OPA3: variants seen among roughly 807,000 people sequenced by gnomAD.
OPA3 encodes the protein outer mitochondrial membrane lipid metabolism regulator OPA3.
A neutral mutation model predicts 4.0 loss-of-function variants in OPA3; 6 were observed. The observed-to-expected ratio is 1.51, with a 90% CI of 0.83 to 2.99. The LOEUF is 2.99. OPA3 is among the 30% of genes most tolerant of loss of function. The probability of loss-of-function intolerance (pLI) is 0.00; values close to 1 mark genes in which losing one functional copy is unlikely to be tolerated. For missense variants in OPA3, 235 were observed against 256.2 expected, an observed-to-expected ratio of 0.92 and a Z score of 0.56; for synonymous variants, 105 against 117.1, an observed-to-expected ratio of 0.90 and a Z score of 0.67.
At chr19:45,556,922 G>T (rs753274249) in intron 1 of OPA3, among the ~76,000 whole-genome samples, 5 of 152,226 alleles carry the variant, frequency 3.3e-5, no homozygotes, top group Non-Finnish European at 7.3e-5. Flanking sequence ...GCCACCTGCT[G>T]CCTGAGCAAT....
At chr19:45,536,899 A>G (rs1390707280) in intron 1 of OPA3, among the ~76,000 whole-genome samples, 2 of 152,148 alleles carry the variant, frequency 1.3e-5, no homozygotes, top group African/African-American at 4.8e-5. Flanking sequence ...GGGATTGTAG[A>G]TCAAAATATG....
In OPA3 at chr19:45,548,751, G is replaced by T. The variant is rs549495140; in HGVS notation, c.*4763C>A. 1.3e-5 allele frequency: 13 copies of T among 978,842 alleles called. No homozygotes were observed. In the African/African-American group the frequency reaches 2.1e-4, roughly 16 times the overall value. 60.6% of individuals were successfully genotyped at this position (978,842 alleles called of 1,614,324 possible). On this transcript the variant is annotated 3_prime_UTR_variant, in exon 2 of 2. Transcript: ENST00000263275. ...ACCTCAGTGAGTTTTTTGAGTGAAA[G>T]AATAAATAAAGGATATTTTTCCTAA...
At chr19:45,555,770 C>T (rs985626247) in intron 1 of OPA3, among the ~76,000 whole-genome samples, 6 of 152,090 alleles carry the variant, frequency 3.9e-5, no homozygotes, top group African/African-American at 4.8e-5. Context: ...GGATTACAGG[C>T]GTGAGCCACC....
chr19:45,571,268 C>T (rs12975918), intron 1 of OPA3, among the ~76,000 whole-genome samples: 35,646 of 152,068 alleles, frequency 0.23, 5,086 homozygotes, highest in Middle Eastern at 0.37. Context: ...CTCAGTCTCC[C>T]AAGTAGCTGA....
At chr19:45,567,152 C>T (rs1036468914) in intron 1 of OPA3, among the ~76,000 whole-genome samples, 1 of 151,870 alleles carries the variant, frequency 6.6e-6, no homozygotes, top group Non-Finnish European at 1.5e-5. Context: ...CCACTATCGG[C>T]AACTTAGTGA....
At chr19:45,565,848 G>A (rs753670085) in intron 1 of OPA3, among the ~76,000 whole-genome samples, 1 of 152,042 alleles carries the variant, frequency 6.6e-6, no homozygotes, top group African/African-American at 2.4e-5. Flanking sequence ...CTACTCAGAA[G>A]GCTCAGAAAG....
At chr19:45,574,699 C>A (rs1194478824) in intron 1 of OPA3, among the ~76,000 whole-genome samples, 1 of 152,206 alleles carries the variant, frequency 6.6e-6, no homozygotes, top group African/African-American at 2.4e-5. Context: ...CTTCGTATCA[C>A]ACCCTGTGCA....
At chr19:45,568,556 A>C (rs1462894606) in intron 1 of OPA3, among the ~76,000 whole-genome samples, 1 of 152,092 alleles carries the variant, frequency 6.6e-6, no homozygotes, top group Non-Finnish European at 1.5e-5. Flanking sequence ...TGCAGGCCGC[A>C]ATAGGCAGTG....
chr19:45,577,283 G>A (rs1413859561), intron 1 of OPA3, among the ~76,000 whole-genome samples: 1 of 152,200 alleles, frequency 6.6e-6, no homozygotes, highest in African/African-American at 2.4e-5. Flanking sequence ...GCAGCCTGCT[G>A]AGTCAAAAGT....
intron 1 of OPA3, among the ~76,000 whole-genome samples, chr19:45,563,580 G>A (rs1021508081): frequency 1.3e-5 from 2 of 152,072 alleles, no homozygotes; most frequent in African/African-American, 4.8e-5. Flanking sequence ...TTTTGAGACA[G>A]GGTTTCACTC....
At chr19:45,563,904 G>C (rs1001395405) in intron 1 of OPA3, among the ~76,000 whole-genome samples, 3 of 150,506 alleles carry the variant, frequency 2.0e-5, no homozygotes, top group African/African-American at 7.3e-5. Context: ...TGCCCAGGCT[G>C]GTCTTGAACT....
intron 1 of OPA3, among the ~76,000 whole-genome samples, chr19:45,562,239 T>G (rs1340486998): frequency 7.0e-6 from 1 of 143,566 alleles, no homozygotes; most frequent in Non-Finnish European, 1.5e-5. Context: ...CCCAGTTACT[T>G]GGGAGGCTGA....
At chr19:45,555,358 C>T (rs1240579524) in intron 1 of OPA3, among the ~76,000 whole-genome samples, 7 of 152,040 alleles carry the variant, frequency 4.6e-5, no homozygotes, top group East Asian at 1.9e-4. Context: ...ATTTTCGAGA[C>T]GGGGTCTTGC....
rs147052003 is a variant in OPA3 at position 45,541,161 on chromosome 19, G to A, written c.143-11705C>T. On this transcript the variant is annotated intron_variant, in intron 1 of 1. Transcript: ENST00000323060. ...TCACTGGGAACCCAGGCTCCTTCTC[G>A]TTCAATCCCTACCCTCCTCATTATG... is the stretch of plus-strand genomic sequence containing the variant. Among the ~76,000 whole-genome samples, 289 of 152,208 alleles carry A rather than the reference G, an allele frequency of 1.9e-3. 2 individuals carry two copies. Among genetic ancestry groups the A allele is most frequent in the African/African-American group, 6.5e-3 (268 of 41,538 alleles).
At chr19:45,560,135 T>C (rs911530436) in intron 1 of OPA3, among the ~76,000 whole-genome samples, 3 of 152,122 alleles carry the variant, frequency 2.0e-5, no homozygotes, top group South Asian at 2.1e-4. Flanking sequence ...TTGGGTTACA[T>C]AGAATCGTTT....
At chr19:45,565,617 G>A (rs1969571506) in intron 1 of OPA3, among the ~76,000 whole-genome samples, 1 of 152,074 alleles carries the variant, frequency 6.6e-6, no homozygotes, top group African/African-American at 2.4e-5. Flanking sequence ...GCGACAGAGT[G>A]AGACTAACTT....
chr19:45,529,375 G>C, exon 2 of OPA3: 1 of 1,614,212 alleles, frequency 6.2e-7, no homozygotes, highest in Admixed American at 1.7e-5. Flanking sequence ...CTCGGCGGCT[G>C]CACCCTCGTT....
At chr19:45,545,869 C>T (rs1422837014), downstream of OPA3, among the ~76,000 whole-genome samples, 6 of 151,616 alleles carry the variant, frequency 4.0e-5, no homozygotes, top group South Asian at 2.1e-4. Context: ...TGTGCCACCA[C>T]GCCCAGCTAA....
chr19:45,538,505 G>A (rs984503652), intron 1 of OPA3, among the ~76,000 whole-genome samples: 11 of 152,172 alleles, frequency 7.2e-5, no homozygotes, highest in African/African-American at 2.7e-4. Flanking sequence ...CAGATCACTT[G>A]AGGTCAGAAG....
Sources: allele counts gnomAD v4.1 joint callset (sites outside exome capture counted in the v4.1 genomes callset), GRCh38; gene constraint gnomAD v4.1.1; transcripts MANE v1.5; gene names NCBI Gene and HGNC (gene_info 2026-07-23, HGNC 2026-07-21).